The following PEBP4 variants were observed in gnomAD, a reference collection of about 807,000 sequenced individuals.
The protein encoded by PEBP4 is phosphatidylethanolamine-binding protein 4.
PEBP4 carries 22 observed loss-of-function variants against 23.9 expected under a neutral mutation model. The ratio of observed to expected loss-of-function variants is 0.92; its 90% CI spans 0.66 to 1.31. The LOEUF (loss-of-function observed/expected upper bound fraction) is 1.31. PEBP4 is among the 40% of genes most tolerant of loss of function. PEBP4 has a pLI of 0.00. For synonymous variants in PEBP4, 112 were observed against 99.3 expected (o/e 1.13, Z -0.76); for missense variants, 324 against 281.7 (o/e 1.15, Z -1.07).
At chr8:22,873,556 C>T (rs1808055245) in intron 3 of PEBP4, among the ~76,000 whole-genome samples, 1 of 152,112 alleles carries the variant, frequency 6.6e-6, no homozygotes, top group African/African-American at 2.4e-5. Context: ...CGCTTAAGGC[C>T]AGGTGTTCAA....
chr8:22,715,419 C>CGTGTGTATGCTG (rs6150498), intron 6 of PEBP4, among the ~76,000 whole-genome samples: 39,799 of 152,060 alleles, frequency 0.26, 5,388 homozygotes, highest in Admixed American at 0.37. Flanking sequence ...TGTGGGTGCA[C>CGTGTGTATGCTG]GTGTGTGTGC....
chr8:22,792,329 T>C (rs1345151850), intron 4 of PEBP4, among the ~76,000 whole-genome samples: 1 of 152,094 alleles, frequency 6.6e-6, no homozygotes, highest in East Asian at 1.9e-4. Context: ...GCAGGTGACA[T>C]CTCAGGGCTG....
intron 3 of PEBP4, among the ~76,000 whole-genome samples, chr8:22,904,239 G>C (rs1808765759): frequency 6.6e-6 from 1 of 152,136 alleles, no homozygotes; most frequent in African/African-American, 2.4e-5. Flanking sequence ...GGGACCCCAG[G>C]GCTCTCCGTA....
chr8:22,867,432 C>G (rs1807929352), intron 3 of PEBP4, among the ~76,000 whole-genome samples: 2 of 152,196 alleles, frequency 1.3e-5, no homozygotes, highest in African/African-American at 4.8e-5. Flanking sequence ...TTGTGCCGTT[C>G]TGCCCATCTC....
intron 3 of PEBP4, among the ~76,000 whole-genome samples, chr8:22,916,145 A>G (rs17088781): frequency 0.095 from 14,453 of 152,226 alleles, 961 homozygotes; most frequent in African/African-American, 0.19. Flanking sequence ...AGACCGAGGC[A>G]GCCTTTTGTT....
upstream of PEBP4, among the ~76,000 whole-genome samples, chr8:22,932,020 C>T (rs1809464939): frequency 6.6e-6 from 1 of 152,256 alleles, no homozygotes; most frequent in South Asian, 2.1e-4. Context: ...AATCTGGCTA[C>T]TCCGTCATGC....
At chr8:22,740,477 C>T (rs1239263385) in intron 4 of PEBP4, among the ~76,000 whole-genome samples, 1 of 152,184 alleles carries the variant, frequency 6.6e-6, no homozygotes, top group Non-Finnish European at 1.5e-5. Context: ...TTAACAAGAA[C>T]CTGAGGCGAC....
chr8:22,906,394 A>G (rs1485137143), intron 3 of PEBP4, among the ~76,000 whole-genome samples: 1 of 152,230 alleles, frequency 6.6e-6, no homozygotes, highest in Non-Finnish European at 1.5e-5. Context: ...AGGTTTACTG[A>G]GCATCTACTA....
At chr8:22,789,901 G>A (rs1806102326) in intron 4 of PEBP4, among the ~76,000 whole-genome samples, 1 of 152,258 alleles carries the variant, frequency 6.6e-6, no homozygotes, top group South Asian at 2.1e-4. Flanking sequence ...ATGCCCTGTA[G>A]TCCATGTTGA....
At chr8:22,716,087 A>C (rs530583093) in intron 6 of PEBP4, among the ~76,000 whole-genome samples, 20 of 152,228 alleles carry the variant, frequency 1.3e-4, no homozygotes, top group African/African-American at 4.8e-4. Flanking sequence ...GGCACTTCAG[A>C]GGCCTTGGTG....
At chr8:22,754,361 G>GACGT (rs1805331968) in intron 4 of PEBP4, among the ~76,000 whole-genome samples, 1 of 152,250 alleles carries the variant, frequency 6.6e-6, no homozygotes, top group African/African-American at 2.4e-5. Flanking sequence ...TCACTCTGTA[G>GACGT]ACGTGTGTTG....
chr8:22,865,122 G>A lies in PEBP4; in HGVS notation c.259-47387C>T, dbSNP rs1268328174. Among the ~76,000 whole-genome samples, 1 of 152,150 alleles carries A rather than the reference G, an allele frequency of 6.6e-6. No individual in the cohort carries two copies. The highest frequency in any genetic ancestry group is 1.9e-4 in the East Asian group (1 of 5,186). ...CGAGGTGGGGGTAGACAGAAGGGCTGGGGCGGCCCGGGGAAGAACCAGTGC... is the reference window on the plus strand; with the variant it reads ...CGAGGTGGGGGTAGACAGAAGGGCTAGGGCGGCCCGGGGAAGAACCAGTGC... On this transcript the variant is annotated intron_variant, in intron 3 of 6. Transcript: ENST00000256404. This position sits in a 1 kb window ranked among gnomAD's most constrained non-coding sequence, Gnocchi z 6.9.
chr8:22,934,831 G>A (rs1809512835), intron 1 of PEBP4, among the ~76,000 whole-genome samples: 2 of 152,224 alleles, frequency 1.3e-5, no homozygotes, highest in Admixed American at 6.5e-5. Context: ...TAAACTGGCA[G>A]ATTAGATTTT....
At chr8:22,807,023 G>A (rs2128759842) in intron 4 of PEBP4, among the ~76,000 whole-genome samples, 1 of 152,280 alleles carries the variant, frequency 6.6e-6, no homozygotes, top group East Asian at 1.9e-4. Flanking sequence ...AACTGTTTTT[G>A]AATTCCGATG....
Position 22,713,395 on chromosome 8 carries a change from T to A in PEBP4, c.659A>T (p.Asn220Ile), listed in dbSNP as rs780546856. 4 of 765,032 alleles carry A rather than the reference T, an allele frequency of 5.2e-6. No individual in the cohort carries two copies. The highest frequency in any genetic ancestry group is 7.2e-6 in the Non-Finnish European group (4 of 552,324). The allele number at this position is 765,032 out of a possible 1,614,324, so 47.4% of individuals were successfully genotyped here. A position where few individuals can be genotyped will look rare whatever the true frequency, so the allele number is the denominator to read the frequency against. Residue 220 changes from asparagine to isoleucine, a missense_variant, in exon 7 of 7, where the codon AAC becomes ATC. Asn to Ile is a moderately radical substitution (Grantham distance 149, BLOSUM62 -3). Coordinates refer to ENST00000256404, the MANE Select transcript of PEBP4 (RefSeq NM_144962.3). The part of the protein sequence containing the change: ...RERASEPKHK[N>I]QAEIAAC ...CTAGCAGGCAGCTATCTCCGCCTGG[T>A]TTTTGTGCTTGGGCTCGCTGGCCCT... is the stretch of plus-strand genomic sequence containing the variant.
At chr8:22,810,613 A>T (rs1806598531) in intron 4 of PEBP4, among the ~76,000 whole-genome samples, 1 of 149,572 alleles carries the variant, frequency 6.7e-6, no homozygotes, top group Non-Finnish European at 1.5e-5. Flanking sequence ...CTCAGAGCTG[A>T]GTTCAGAGTT....
At chr8:22,828,156 G>A (rs557304563) in intron 3 of PEBP4, among the ~76,000 whole-genome samples, 24 of 152,304 alleles carry the variant, frequency 1.6e-4, no homozygotes, top group African/African-American at 5.8e-4. Context: ...CAGGGTGAGT[G>A]GAAAGCAAGA....
At chr8:22,845,430 G>T (rs1452173938) in intron 3 of PEBP4, among the ~76,000 whole-genome samples, 2 of 152,102 alleles carry the variant, frequency 1.3e-5, no homozygotes, top group African/African-American at 4.8e-5. Context: ...AGCTACTCAG[G>T]AGGCTGAGGT....
intron 3 of PEBP4, among the ~76,000 whole-genome samples, chr8:22,918,283 G>C (rs1395370063): frequency 6.6e-6 from 1 of 152,048 alleles, no homozygotes; most frequent in Non-Finnish European, 1.5e-5. Context: ...CCACAGCTTC[G>C]ATCAAATCTT....
Sources: gnomAD v4.1 joint callset for allele counts (sites outside exome capture counted in the v4.1 genomes callset) on GRCh38, gnomAD v4.1.1 for gene constraint, Gnocchi (gnomAD v3.1) non-coding constraint, MANE v1.5 for transcripts, NCBI Gene and HGNC (gene_info 2026-07-23, HGNC 2026-07-21) for gene names.